Variants in KRT82 observed in about 807,000 individuals in gnomAD.
KRT82 encodes keratin, type II cuticular Hb2.
KRT82 carries 44 observed loss-of-function variants against 48.0 expected under a neutral mutation model. That is an observed-to-expected ratio of 0.92 (90% confidence interval 0.72 to 1.18). KRT82 has a LOEUF of 1.18. Among genes scored for constraint, KRT82 ranks in the 50% most tolerant of loss-of-function variants. The pLI is 0.00. For missense variants in KRT82, 701 were observed against 671.4 expected (o/e 1.04, Z -0.49); for synonymous variants, 297 against 278.3 (o/e 1.07, Z -0.67).
At chr12:52,403,579 C>T (rs545906714) in intron 2 of KRT82, 122 bp downstream of exon 2, 1 of 700,080 alleles carries the variant, frequency 1.4e-6, no homozygotes, top group East Asian at 2.5e-5. Context: ...TCCCACCTAA[C>T]TGTTCTGCCA....
intron 6 of KRT82, among the ~76,000 whole-genome samples, chr12:52,396,595 G>A (rs547175850): frequency 1.3e-5 from 2 of 152,186 alleles, no homozygotes; most frequent in African/African-American, 2.4e-5. Flanking sequence ...TGAAGGGACC[G>A]TGGAGTGCAT....
In KRT82 at chr12:52,394,848, T is replaced by C; in HGVS notation, c.*127A>G. 1.2e-6 allele frequency: 1 copy of C among 805,740 alleles called. No individual in the cohort carries two copies. The highest frequency in any genetic ancestry group is 2.1e-6 in the Non-Finnish European group (1 of 486,846). The allele number at this position is 805,740 out of a possible 1,614,324, so 49.9% of individuals were successfully genotyped here. The stretch of plus-strand genomic sequence containing the variant: ...AGCTCAGCTCTCAAGGAGGGAACAC[T>C]GGAGGGGAATGTGGAGTCAATAAAG... On this transcript the variant is annotated 3_prime_UTR_variant, in exon 9 of 9. Coordinates refer to ENST00000257974, the MANE Select transcript of KRT82 (RefSeq NM_033033.4).
At position 52,399,997 on chromosome 12, in the gene KRT82, C is replaced by T; in HGVS notation, c.930G>A (p.Trp310Ter). The T allele has an allele frequency of 6.2e-7, 1 of 1,614,010 alleles. No homozygotes were observed. The highest frequency in any genetic ancestry group is 8.5e-7 in the Non-Finnish European group (1 of 1,179,896). ...ASRSKAEAEA[W>*]YQCRYEELRV... is the part of the protein sequence containing the mutation. ...CACAGGGCCTCACCCGGCACTGGTA[C>T]CAGGCCTCTGCTTCGGCTTTGCTGC... Residue 310 changes from tryptophan to a stop codon, truncating the protein, a stop_gained, in exon 5 of 9, where the codon TGG (tryptophan) becomes TGA (stop). Coordinates refer to ENST00000257974, the MANE Select transcript of KRT82 (RefSeq NM_033033.4). LOFTEE classifies it high-confidence loss of function.
At position 52,400,526 on chromosome 12, in the gene KRT82, C is replaced by T. The variant is rs371755607; in HGVS notation, c.777+1G>A. ...CCACCCAAGGTCAGGGCTGTGGGTA[C>T]CTCCTCATACAGGCTTTTCAGGAAG... On this transcript the variant is annotated splice_donor_variant, in intron 4 of 8. Coordinates refer to ENST00000257974, the MANE Select transcript of KRT82 (RefSeq NM_033033.4). LOFTEE classifies it high-confidence loss of function. 1.2e-6 allele frequency: 2 copies of T among 1,612,272 alleles called. No homozygotes were observed. Among genetic ancestry groups the T allele is most frequent in the African/African-American group, 1.3e-5 (1 of 75,020 alleles).
In KRT82 at chr12:52,405,993, G is replaced by T; in HGVS notation, c.285C>A (p.Val95=). The change falls in exon 1 of 9, where the codon GTC becomes GTA. Residue 95 remains valine, a synonymous_variant. Coordinates refer to ENST00000257974, the MANE Select transcript of KRT82 (RefSeq NM_033033.4). ...TCGPSACITP[V]TINESLLVPL... ...GGACCAGCAGGCTCTCATTGATGGTGACAGGGGTGATGCAGGCAGAAGGCC... is the reference window on the plus strand; with the variant it reads ...GGACCAGCAGGCTCTCATTGATGGTTACAGGGGTGATGCAGGCAGAAGGCC... 6.2e-7 allele frequency: 1 copy of T among 1,614,212 alleles called. No homozygotes were observed.
chr12:52,395,990 AC>A (rs1290314982), intron 7 of KRT82, 21 bp downstream of exon 7: 8 of 1,612,770 alleles, frequency 5.0e-6, no homozygotes, highest in Non-Finnish European at 6.8e-6. Flanking sequence ...CCCATCTTTG[AC>A]CCCCTCCTGG....
At chr12:52,401,250 C>G in intron 3 of KRT82, 39 bp downstream of exon 3, 1 of 1,588,280 alleles carries the variant, frequency 6.3e-7, no homozygotes, top group Non-Finnish European at 8.6e-7. Flanking sequence ...GCAACGCAGG[C>G]CAGCTCAGGG....
chr12:52,395,336 C>T (rs1200535674), intron 8 of KRT82, 141 bp from the exon 9 acceptor site: 3 of 679,312 alleles, frequency 4.4e-6, no homozygotes, highest in African/African-American at 1.8e-5. Flanking sequence ...CCAGCCTCCG[C>T]GTCTCCCACC....
chr12:52,401,232 G>T, intron 3 of KRT82, 57 bp downstream of exon 3: 1 of 1,468,166 alleles, frequency 6.8e-7, no homozygotes, highest in Non-Finnish European at 9.5e-7. Flanking sequence ...AGGGCTAGGT[G>T]GCCTGGGGCA....
rs368662643 is a variant in KRT82, at chr12:52,403,453, T to C, written c.620+248A>G. 6.6e-5 allele frequency among the ~76,000 whole-genome samples: 10 copies of C among 152,254 alleles called. No individual in the cohort carries two copies. The South Asian group carries it at 1.9e-3, about 28-fold the overall frequency. On this transcript the variant is annotated intron_variant, in intron 2 of 8. Transcript: ENST00000257974. The stretch of plus-strand genomic sequence containing the variant: ...GAAGCCACACATGAAAGAGCTTATT[T>C]TACAGAGAGAGAGAGATCTGAGGGC...
At chr12:52,399,406 T>C (rs1395541541) in intron 5 of KRT82, among the ~76,000 whole-genome samples, 1 of 152,232 alleles carries the variant, frequency 6.6e-6, no homozygotes, top group African/African-American at 2.4e-5. Flanking sequence ...ATACACAGTG[T>C]TGAATGAGTG....
intron 2 of KRT82, chr12:52,402,514 C>T (rs1329182117): frequency 6.6e-6 from 1 of 152,278 alleles, no homozygotes; most frequent in African/African-American, 2.4e-5. Flanking sequence ...CCTGTCCTTT[C>T]CCCATTTCCA....
Position 52,395,748 on chromosome 12 carries a change from C to T in KRT82, c.1321+11G>A, listed in dbSNP as rs1045619808. On this transcript the variant is annotated intron_variant, in intron 8 of 8. Transcript: ENST00000257974. ...ACTCCAGAGCCAGTGGGGCATGGCTCATCTACTTACAGATATTCACGGGCC... is the reference window on the plus strand; with the variant it reads ...ACTCCAGAGCCAGTGGGGCATGGCTTATCTACTTACAGATATTCACGGGCC... 1.9e-6 allele frequency: 3 copies of T among 1,558,372 alleles called. No individual in the cohort carries two copies. The highest frequency in any genetic ancestry group is 2.2e-5 in the East Asian group (1 of 44,490).
chr12:52,404,292 G>C (rs370932267), intron 1 of KRT82, among the ~76,000 whole-genome samples: 2 of 152,310 alleles, frequency 1.3e-5, no homozygotes, highest in African/African-American at 4.8e-5. Context: ...ACAGTGTATG[G>C]GAAGGGACTC....
intron 2 of KRT82, among the ~76,000 whole-genome samples, chr12:52,403,194 C>G (rs1306623951): frequency 6.6e-6 from 1 of 152,068 alleles, no homozygotes; most frequent in Admixed American, 6.5e-5. Flanking sequence ...GCCTGATATG[C>G]AGGGAAAGGG....
In KRT82 at chr12:52,395,756, T is replaced by TA; in HGVS notation, c.1321+2dup. On this transcript the variant is annotated splice_region_variant and intron_variant, in intron 8 of 8. Coordinates refer to ENST00000257974, the MANE Select transcript of KRT82 (RefSeq NM_033033.4). ...GCCAGTGGGGCATGGCTCATCTACT[T>TA]ACAGATATTCACGGGCCCGATGCCT... 1 of 1,557,018 alleles carries TA rather than the reference T, an allele frequency of 6.4e-7. No individual in the cohort carries two copies. The highest frequency in any genetic ancestry group is 8.6e-7 in the Non-Finnish European group (1 of 1,156,550).
intron 8 of KRT82, among the ~76,000 whole-genome samples, chr12:52,395,414 C>A (rs2658659): frequency 0.42 from 63,687 of 151,788 alleles, 14,034 homozygotes; most frequent in Non-Finnish European, 0.49. Context: ...TGGGCAAGGC[C>A]AGGCTGGATT....
rs1030118908 is a variant in KRT82 at position 52,395,010 on chromosome 12, C to T, written c.1507G>A (p.Gly503Arg). 2 of 1,613,736 alleles carry T rather than the reference C, an allele frequency of 1.2e-6. No homozygotes were observed. The highest frequency in any genetic ancestry group is 1.1e-5 in the South Asian group (1 of 91,074). Reference protein sequence around the residue: ...GSGRKSSMTLGAGGSSPSHKH With the variant: ...GSGRKSSMTLRAGGSSPSHKH ...TGGCTGGGGGAGCTGCCCCCAGCTC[C>T]TAGCGTCATGCTGGATTTCCGCCCG... The change falls in exon 9 of 9, where the codon GGA becomes AGA. Residue 503 changes from glycine (G) to arginine (R), a missense_variant. Coordinates refer to ENST00000257974, the MANE Select transcript of KRT82 (RefSeq NM_033033.4).
At position 52,402,946 on chromosome 12, in the gene KRT82, C is replaced by T. The variant is rs376142162; in HGVS notation, c.620+755G>A. 5.3e-5 allele frequency among the ~76,000 whole-genome samples: 8 copies of T among 152,144 alleles called. No homozygotes were observed. In the East Asian group the frequency reaches 1.4e-3, roughly 26 times the overall value. On this transcript the variant is annotated intron_variant, in intron 2 of 8. Coordinates refer to ENST00000257974, the MANE Select transcript of KRT82 (RefSeq NM_033033.4). ...CTGGACTGTCACAAGGCACTGGATT[C>T]CCATGGGGCACTGGATTCCCATAGG...
Sources: allele counts gnomAD v4.1 joint callset (sites outside exome capture counted in the v4.1 genomes callset), GRCh38; gene constraint gnomAD v4.1.1; transcripts MANE v1.5; gene names NCBI Gene and HGNC (gene_info 2026-07-23, HGNC 2026-07-21).